DPYD: variants seen among roughly 807,000 people sequenced by gnomAD.
DPYD encodes dihydropyrimidine dehydrogenase.
A neutral mutation model predicts 116.2 loss-of-function variants in DPYD; 109 were observed. The observed-to-expected ratio is 0.94, with a 90% CI of 0.80 to 1.10. The LOEUF (loss-of-function observed/expected upper bound fraction) is 1.10, where lower values mean the gene tolerates loss of function less well. Ranked by LOEUF, DPYD falls within the 50% of genes least tolerant of loss-of-function variation. The pLI is 0.00. For missense variants in DPYD, 1,302 were observed against 1,254.5 expected, an observed-to-expected ratio of 1.04 and a Z score of -0.57; for synonymous variants, 440 against 432.0, an observed-to-expected ratio of 1.02 and a Z score of -0.23.
intron 16 of DPYD, 97 bp downstream of exon 16, chr1:97,373,464 G>A: frequency 5.8e-6 from 6 of 1,038,474 alleles, no homozygotes; most frequent in Non-Finnish European, 8.8e-6. Flanking sequence ...CCAGTCATCT[G>A]ATCCATGCAT....
In DPYD at chr1:97,648,861, T is replaced by C. The variant is rs922666928; in HGVS notation, c.850+30234A>G. On this transcript the variant is annotated intron_variant, in intron 8 of 22. Transcript: ENST00000370192. ...ATGGAAGACTCTTAGAAACTATGTA[T>C]AAGCATACGGCTACTGTTACCTCAT... Among the ~76,000 whole-genome samples the C allele has an allele frequency of 5.3e-5, 8 of 152,190 alleles. No homozygotes were observed. In the East Asian group the frequency reaches 1.2e-3, roughly 22 times the overall value.
chr1:97,667,166 A>T (rs1344641993), intron 8 of DPYD, among the ~76,000 whole-genome samples: 3 of 152,160 alleles, frequency 2.0e-5, no homozygotes, highest in African/African-American at 7.2e-5. Flanking sequence ...TTTATAGACA[A>T]ATTTTGTAGA....
intron 3 of DPYD, among the ~76,000 whole-genome samples, chr1:97,745,266 CT>C (rs1346226462): frequency 1.3e-5 from 2 of 152,090 alleles, no homozygotes; most frequent in Non-Finnish European, 2.9e-5. Flanking sequence ...ATTTTTAATG[CT>C]GTGCACCATT....
chr1:97,892,311 C>T (rs1160145559), intron 1 of DPYD, among the ~76,000 whole-genome samples: 1 of 151,710 alleles, frequency 6.6e-6, no homozygotes, highest in Non-Finnish European at 1.5e-5. Context: ...CTAAATTTTT[C>T]AGTTTATTTG....
rs557082821 is a variant in DPYD at position 97,318,305 on chromosome 1, G to C, written c.2059-12008C>G. Among the ~76,000 whole-genome samples the C allele has an allele frequency of 2.3e-3, 283 of 123,778 alleles. 9 individuals are homozygous for C. Among genetic ancestry groups the C allele is most frequent in the African/African-American group, 7.4e-3 (269 of 36,488 alleles). 81.2% of individuals were successfully genotyped at this position (123,778 alleles called of 152,430 possible). A position where few individuals can be genotyped will look rare whatever the true frequency, so the allele number is the denominator to read the frequency against. On this transcript the variant is annotated intron_variant, in intron 16 of 22. Coordinates refer to ENST00000370192, the MANE Select transcript of DPYD (RefSeq NM_000110.4). ...ACTGGCAAGTTGGATAAAGAGTCAA[G>C]ACCCATTAGTGTGCTGTATTCAGGA...
intron 16 of DPYD, among the ~76,000 whole-genome samples, chr1:97,310,989 T>C (rs901842948): frequency 2.0e-4 from 30 of 151,700 alleles, no homozygotes; most frequent in African/African-American, 7.0e-4. Context: ...GTTACAGAAG[T>C]AGACATTATA....
At chr1:97,347,550 C>T (rs1277796213) in intron 16 of DPYD, among the ~76,000 whole-genome samples, 1 of 151,932 alleles carries the variant, frequency 6.6e-6, no homozygotes, top group African/African-American at 2.4e-5. Flanking sequence ...CATTTTGTTT[C>T]ATATCTTGCA....
At chr1:97,406,932 T>C (rs1673690593) in intron 14 of DPYD, among the ~76,000 whole-genome samples, 1 of 152,166 alleles carries the variant, frequency 6.6e-6, no homozygotes, top group Non-Finnish European at 1.5e-5. Flanking sequence ...GCATGATATT[T>C]TCTTTGCTTT....
At chr1:97,325,218 A>G (rs921084389) in intron 16 of DPYD, among the ~76,000 whole-genome samples, 2 of 152,080 alleles carry the variant, frequency 1.3e-5, no homozygotes, top group Non-Finnish European at 2.9e-5. Flanking sequence ...GGAACATACT[A>G]TGGTGAACTT....
chr1:97,130,327 A>C (rs1653183637), intron 20 of DPYD, among the ~76,000 whole-genome samples: 1 of 152,160 alleles, frequency 6.6e-6, no homozygotes, highest in South Asian at 2.1e-4. Flanking sequence ...GTGGTTCTAG[A>C]ACAAAGTATC....
At chr1:97,293,662 C>A (rs1271981965) in intron 18 of DPYD, among the ~76,000 whole-genome samples, 1 of 152,152 alleles carries the variant, frequency 6.6e-6, no homozygotes, top group African/African-American at 2.4e-5. Context: ...TCAGTCCAGG[C>A]CGGGTGTGGT....
intron 20 of DPYD, among the ~76,000 whole-genome samples, chr1:97,137,835 G>A (rs1482564396): frequency 6.6e-6 from 1 of 151,956 alleles, no homozygotes; most frequent in African/African-American, 2.4e-5. Flanking sequence ...CTACACAATT[G>A]TAAAAATGGG....
intron 20 of DPYD, among the ~76,000 whole-genome samples, chr1:97,141,908 C>T (rs560677134): frequency 3.3e-5 from 5 of 152,184 alleles, no homozygotes; most frequent in Admixed American, 1.3e-4. Context: ...GCCAAGTAGC[C>T]GCAGTACATA....
At chr1:97,723,457 A>G (rs1663037061) in intron 4 of DPYD, among the ~76,000 whole-genome samples, 1 of 151,512 alleles carries the variant, frequency 6.6e-6, no homozygotes, top group Non-Finnish European at 1.5e-5. Context: ...AAACACACAC[A>G]CACACATGCA....
At chr1:97,181,418 T>C (rs1657634314) in intron 20 of DPYD, among the ~76,000 whole-genome samples, 1 of 152,124 alleles carries the variant, frequency 6.6e-6, no homozygotes, top group South Asian at 2.1e-4. Flanking sequence ...CTGCCTATTT[T>C]AGGAAGAATG....
chr1:97,764,964 T>G (rs1446357724), intron 3 of DPYD, among the ~76,000 whole-genome samples: 2 of 152,222 alleles, frequency 1.3e-5, no homozygotes, highest in African/African-American at 4.8e-5. Flanking sequence ...CTACGTGAAC[T>G]AATATTCTCA....
chr1:97,425,858 A>G (rs1674836985), intron 14 of DPYD, among the ~76,000 whole-genome samples: 1 of 151,852 alleles, frequency 6.6e-6, no homozygotes, highest in South Asian at 2.1e-4. Context: ...ACAATTTCAT[A>G]CATATTATAC....
At chr1:97,617,711 T>A (rs1272858706) in intron 8 of DPYD, among the ~76,000 whole-genome samples, 1 of 152,098 alleles carries the variant, frequency 6.6e-6, no homozygotes, top group African/African-American at 2.4e-5. Context: ...GAAACAAGAC[T>A]TGTCAAATCA....
chr1:97,721,810 A>AGGTT, intron 4 of DPYD, 139 bp from the exon 5 acceptor site: 1 of 755,420 alleles, frequency 1.3e-6, no homozygotes, highest in Non-Finnish European at 2.2e-6. Flanking sequence ...TTTCAATACT[A>AGGTT]CTATCAGGAA....
Sources: gnomAD v4.1 joint callset for allele counts (sites outside exome capture counted in the v4.1 genomes callset) on GRCh38, gnomAD v4.1.1 for gene constraint, MANE v1.5 for transcripts, NCBI Gene and HGNC (gene_info 2026-07-23, HGNC 2026-07-21) for gene names.